The following LSAMP variants were observed in gnomAD, a reference collection of about 807,000 sequenced individuals.
The protein encoded by LSAMP is limbic system-associated membrane protein.
In LSAMP, 7 loss-of-function variants were observed where a neutral mutation model predicts 38.6. The observed-to-expected ratio is 0.18, with a 90% CI of 0.10 to 0.34. The LOEUF (loss-of-function observed/expected upper bound fraction) is 0.34. Ranked by LOEUF, LSAMP falls within the 10% of genes least tolerant of loss-of-function variation. The probability of loss-of-function intolerance (pLI) is 1.00; values close to 1 mark genes in which losing one functional copy is unlikely to be tolerated. For synonymous variants in LSAMP, 154 were observed against 166.8 expected, an observed-to-expected ratio of 0.92 and a Z score of 0.59; for missense variants, 313 against 420.0, an observed-to-expected ratio of 0.75 and a Z score of 2.23.
At chr3:116,349,439 T>C (rs886115207) in intron 1 of LSAMP, among the ~76,000 whole-genome samples, 2 of 150,878 alleles carry the variant, frequency 1.3e-5, no homozygotes, top group Non-Finnish European at 1.5e-5. Context: ...TCATCATACT[T>C]TAAATTAAAA....
intron 1 of LSAMP, among the ~76,000 whole-genome samples, chr3:116,395,565 C>T (rs896428946): frequency 6.6e-6 from 1 of 152,144 alleles, no homozygotes; most frequent in African/African-American, 2.4e-5. Context: ...AACTACTAGA[C>T]AGCACAGAGC....
chr3:115,877,089 G>A (rs970313114), intron 3 of LSAMP, among the ~76,000 whole-genome samples: 1 of 152,096 alleles, frequency 6.6e-6, no homozygotes, highest in Non-Finnish European at 1.5e-5. Flanking sequence ...TTGCTTGCTC[G>A]ATCTGCCAAT....
Position 116,045,196 on chromosome 3 carries a change from T to C in LSAMP, c.389-25556A>G, listed in dbSNP as rs148404090. ...CCTAAGCAAGATGAAACTCCAAATA[T>C]AGGCATGTAGAATAAAAGAGAAGAA... On this transcript the variant is annotated intron_variant, in intron 2 of 6. Coordinates refer to ENST00000490035, the MANE Select transcript of LSAMP (RefSeq NM_002338.5). 1.1e-4 allele frequency among the ~76,000 whole-genome samples: 16 copies of C among 152,322 alleles called. No homozygotes were observed. The East Asian group carries it at 1.9e-3, about 18-fold the overall frequency.
chr3:115,810,326 G>T lies in LSAMP; in HGVS notation c.1008C>A (p.Ser336Arg), dbSNP rs1289545279. 8 of 1,607,710 alleles carry T rather than the reference G, an allele frequency of 5.0e-6. No homozygotes were observed. The South Asian group carries it at 7.8e-5, about 16-fold the overall frequency. Residue 336 changes from serine (S) to arginine (R), a missense_variant, in exon 7 of 7, where the codon AGC becomes AGA. Physicochemically the swap from Ser to Arg is moderately radical, Grantham distance 110 (BLOSUM62 -1). Coordinates refer to ENST00000490035, the MANE Select transcript of LSAMP (RefSeq NM_002338.5). ...LLAASLLCLL[S>R]KC ...TTAAATTTTTATTCTATTAACATTT[G>T]CTGAGAAGGCAGAGCAGAGATGCTG...
intron 1 of LSAMP, among the ~76,000 whole-genome samples, chr3:116,436,019 G>A (rs1559867437): frequency 6.6e-6 from 1 of 152,204 alleles, no homozygotes. Flanking sequence ...CCGGGGTTGT[G>A]AGGAACAAGT....
intron 3 of LSAMP, among the ~76,000 whole-genome samples, chr3:115,994,468 T>G (rs1576291330): frequency 6.6e-6 from 1 of 152,242 alleles, no homozygotes; most frequent in South Asian, 2.1e-4. Flanking sequence ...TAAAAAGTCA[T>G]GATCTTTGTG....
At chr3:116,408,382 A>G (rs184195915) in intron 1 of LSAMP, among the ~76,000 whole-genome samples, 5 of 152,202 alleles carry the variant, frequency 3.3e-5, no homozygotes, top group Admixed American at 3.3e-4. Context: ...GAAATTGACA[A>G]ATCTACAGTG....
chr3:116,281,524 A>T (rs2047126261), intron 1 of LSAMP, among the ~76,000 whole-genome samples: 1 of 152,204 alleles, frequency 6.6e-6, no homozygotes, highest in South Asian at 2.1e-4. Context: ...TTAAACCACC[A>T]ACTGTGAAAA....
chr3:116,272,339 G>A (rs1285036166), intron 1 of LSAMP, among the ~76,000 whole-genome samples: 1 of 152,052 alleles, frequency 6.6e-6, no homozygotes, highest in Admixed American at 6.6e-5. Context: ...ATAACACCAA[G>A]GCTCTGAGTT....
intron 1 of LSAMP, among the ~76,000 whole-genome samples, chr3:116,260,092 A>T (rs2046805030): frequency 4.6e-5 from 7 of 152,162 alleles, no homozygotes. Flanking sequence ...ATAGGGCTAA[A>T]TCTTTCATTT....
In LSAMP at chr3:115,806,184, T is replaced by C. The variant is rs1312937846; in HGVS notation, c.*4133A>G. ...TTACAAAACGGAAAAAGTGGGGCTC[T>C]ATGTCTTTCTACGTGAGCATAGATT... On this transcript the variant is annotated 3_prime_UTR_variant, in exon 7 of 7. Transcript: ENST00000490035. The C allele has an allele frequency of 6.6e-6, 1 of 152,250 alleles. No individual in the cohort carries two copies. Among genetic ancestry groups the C allele is most frequent in the Non-Finnish European group, 1.5e-5 (1 of 68,040 alleles). 9.4% of individuals were successfully genotyped at this position (152,250 alleles called of 1,614,324 possible).
At chr3:116,308,831 C>G (rs1052441860) in intron 1 of LSAMP, among the ~76,000 whole-genome samples, 3 of 152,032 alleles carry the variant, frequency 2.0e-5, no homozygotes, top group African/African-American at 7.2e-5. Context: ...TCAAAGAATG[C>G]ATGTGAGAGC....
At chr3:115,905,381 C>T (rs1936983072) in intron 3 of LSAMP, among the ~76,000 whole-genome samples, 2 of 152,080 alleles carry the variant, frequency 1.3e-5, no homozygotes, top group South Asian at 4.1e-4. Flanking sequence ...TGCACAGACA[C>T]ATGGCATCCT....
chr3:115,978,840 T>C (rs1348047366), intron 3 of LSAMP, among the ~76,000 whole-genome samples: 2 of 152,134 alleles, frequency 1.3e-5, no homozygotes, highest in African/African-American at 2.4e-5. Context: ...AGAATTAAGA[T>C]GATGCCAAGA....
chr3:115,854,282 A>ATTATTATTATTATTT (rs1366839788), intron 3 of LSAMP, among the ~76,000 whole-genome samples: 3 of 107,030 alleles, frequency 2.8e-5, no homozygotes, highest in Admixed American at 1.1e-4. Context: ...TATTATTATT[A>ATTATTATTATTATTT]TTTTTTTTTT....
chr3:116,207,806 A>T (rs2046091544), intron 1 of LSAMP, among the ~76,000 whole-genome samples: 1 of 152,182 alleles, frequency 6.6e-6, no homozygotes, highest in African/African-American at 2.4e-5. Context: ...CTTTGAGGGT[A>T]ACCCGACCTT....
chr3:115,853,479 C>T (rs1935397461), intron 3 of LSAMP, among the ~76,000 whole-genome samples: 1 of 152,140 alleles, frequency 6.6e-6, no homozygotes, highest in African/African-American at 2.4e-5. Flanking sequence ...TGAGTGTGTG[C>T]ATTTTAGTAA....
chr3:115,847,718 G>C (rs1935205801), intron 4 of LSAMP, among the ~76,000 whole-genome samples: 1 of 152,210 alleles, frequency 6.6e-6, no homozygotes, highest in Non-Finnish European at 1.5e-5. Context: ...TGTGAAGAAT[G>C]TGCCTTGTTT....
At chr3:116,317,187 C>G (rs2047640322) in intron 1 of LSAMP, among the ~76,000 whole-genome samples, 1 of 152,094 alleles carries the variant, frequency 6.6e-6, no homozygotes, top group Non-Finnish European at 1.5e-5. Context: ...TTGTTTGGCT[C>G]TTCACAATAA....
Sources: gnomAD v4.1 joint callset for allele counts (sites outside exome capture counted in the v4.1 genomes callset) on GRCh38, gnomAD v4.1.1 for gene constraint, MANE v1.5 for transcripts, NCBI Gene and HGNC (gene_info 2026-07-23, HGNC 2026-07-21) for gene names.